The following CACNB2 variants were observed in gnomAD, a reference collection of about 807,000 sequenced individuals.
CACNB2 encodes the protein calcium voltage-gated channel auxiliary subunit beta 2, also known as voltage-dependent L-type calcium channel subunit beta-2.
In CACNB2, 42 loss-of-function variants were observed where a neutral mutation model predicts 73.3. That is an observed-to-expected ratio of 0.57 (90% CI 0.45 to 0.74). The LOEUF is 0.74. CACNB2 is among the 30% of genes least tolerant of loss of function. The pLI is 0.00. For synonymous variants in CACNB2, 348 were observed against 310.3 expected (o/e 1.12, Z -1.28); for missense variants, 940 against 853.0 (o/e 1.10, Z -1.27).
intron 7 of CACNB2, among the ~76,000 whole-genome samples, chr10:18,516,775 T>G (rs1395310584): frequency 6.6e-6 from 1 of 151,806 alleles, no homozygotes; most frequent in Non-Finnish European, 1.5e-5. Flanking sequence ...GAGTGGTGCT[T>G]GTGTGGTACG....
intron 3 of CACNB2, among the ~76,000 whole-genome samples, chr10:18,422,367 G>T (rs114198215): frequency 6.6e-6 from 1 of 152,218 alleles, no homozygotes; most frequent in Non-Finnish European, 1.5e-5. Flanking sequence ...ACGGATGCCC[G>T]ATTGTCCTTT....
In CACNB2 at chr10:18,484,609, C is replaced by G. The variant is rs1055406307; in HGVS notation, c.334-13746C>G. Among the ~76,000 whole-genome samples the G allele has an allele frequency of 6.5e-4, 99 of 152,142 alleles. 2 individuals carry two copies. Among genetic ancestry groups the G allele is most frequent in the African/African-American group, 2.2e-3 (93 of 41,420 alleles). On this transcript the variant is annotated intron_variant, in intron 3 of 13. Coordinates refer to ENST00000324631, the MANE Select transcript of CACNB2 (RefSeq NM_201596.3). Reference sequence around the variant, plus strand: ...GAACCCAGACACCTGAGAATCCAAACTTTTCAATCGCTGTAGCTAAAGTTC... The same window carrying G: ...GAACCCAGACACCTGAGAATCCAAAGTTTTCAATCGCTGTAGCTAAAGTTC...
intron 3 of CACNB2, among the ~76,000 whole-genome samples, chr10:18,461,181 T>C (rs2095357715): frequency 1.3e-5 from 2 of 152,322 alleles, no homozygotes; most frequent in South Asian, 2.1e-4. Flanking sequence ...CCCAAAGTGC[T>C]GGGAATACAG....
chr10:18,308,852 A>G (rs1235790121), intron 2 of CACNB2, among the ~76,000 whole-genome samples: 1 of 152,216 alleles, frequency 6.6e-6, no homozygotes, highest in Admixed American at 6.5e-5. Context: ...TCCCTTTTGT[A>G]TCAAATGTCA....
intron 3 of CACNB2, among the ~76,000 whole-genome samples, chr10:18,478,054 C>T (rs979236202): frequency 2.0e-5 from 3 of 152,116 alleles, no homozygotes; most frequent in Admixed American, 6.5e-5. Context: ...GCCTCAGCCT[C>T]GCGGGTAGCT....
At chr10:18,237,241 G>T (rs1435286836) in intron 2 of CACNB2, among the ~76,000 whole-genome samples, 1 of 152,152 alleles carries the variant, frequency 6.6e-6, no homozygotes, top group African/African-American at 2.4e-5. Flanking sequence ...CAGTACTTAT[G>T]AATGTAATCT....
chr10:18,206,851 T>A (rs1362978061), intron 2 of CACNB2: 3 of 152,206 alleles, frequency 2.0e-5, no homozygotes, highest in Admixed American at 2.0e-4. Flanking sequence ...AAGTTTTAAG[T>A]CCACTGTTGG....
At chr10:18,236,567 G>A (rs372637911) in intron 2 of CACNB2, among the ~76,000 whole-genome samples, 1 of 152,138 alleles carries the variant, frequency 6.6e-6, no homozygotes, top group East Asian at 1.9e-4. Flanking sequence ...GCCAATTGTT[G>A]GTATTAGCCA....
At chr10:18,361,405 T>G (rs1399093861) in intron 2 of CACNB2, among the ~76,000 whole-genome samples, 2 of 149,638 alleles carry the variant, frequency 1.3e-5, no homozygotes. Flanking sequence ...AGGCTGAGGC[T>G]GGAGAATCGC....
intron 1 of CACNB2, among the ~76,000 whole-genome samples, chr10:18,144,611 C>T (rs1168062786): frequency 1.3e-5 from 2 of 152,104 alleles, no homozygotes; most frequent in Admixed American, 1.3e-4. Flanking sequence ...GCTTTTGAGC[C>T]CTTGAAATGT....
intron 3 of CACNB2, among the ~76,000 whole-genome samples, chr10:18,473,693 C>T (rs559572111): frequency 3.9e-5 from 6 of 152,206 alleles, no homozygotes; most frequent in Non-Finnish European, 8.8e-5. Flanking sequence ...GGAGAATTCA[C>T]GTAACTTGCT....
In CACNB2 at chr10:18,294,635, G is replaced by C. The variant is rs553422718; in HGVS notation, c.214-107289G>C. 4.6e-5 allele frequency among the ~76,000 whole-genome samples: 7 copies of C among 152,378 alleles called. No homozygotes were observed. The South Asian group carries it at 1.4e-3, about 32-fold the overall frequency. On this transcript the variant is annotated intron_variant, in intron 2 of 13. Transcript: ENST00000324631. ...TTGGTTGGTTAAACCTATTTGAGCAGAGACTTGAAGAAGGTAACAGAGTCA... is the reference window on the plus strand; with the variant it reads ...TTGGTTGGTTAAACCTATTTGAGCACAGACTTGAAGAAGGTAACAGAGTCA...
chr10:18,228,445 A>AAAAAAAAAAAG (rs1359204235), intron 2 of CACNB2, among the ~76,000 whole-genome samples: 9 of 148,152 alleles, frequency 6.1e-5, no homozygotes, highest in Non-Finnish European at 1.0e-4. Context: ...AAAAAAAAAA[A>AAAAAAAAAAAG]AAAAGAAAAA....
At chr10:18,408,089 G>A (rs1456803458) in intron 3 of CACNB2, among the ~76,000 whole-genome samples, 1 of 152,128 alleles carries the variant, frequency 6.6e-6, no homozygotes, top group Non-Finnish European at 1.5e-5. Context: ...ATTGTAGAGG[G>A]TTAAAACTGA....
At chr10:18,236,789 G>A (rs1169416327) in intron 2 of CACNB2, among the ~76,000 whole-genome samples, 1 of 152,162 alleles carries the variant, frequency 6.6e-6, no homozygotes, top group Non-Finnish European at 1.5e-5. Flanking sequence ...TGATCCAAGT[G>A]TGGATCTCCC....
chr10:18,250,466 T>C (rs1281589859), intron 2 of CACNB2, among the ~76,000 whole-genome samples: 1 of 152,170 alleles, frequency 6.6e-6, no homozygotes, highest in African/African-American at 2.4e-5. Context: ...TTATTCACTT[T>C]GTTCTGCTCA....
intron 2 of CACNB2, among the ~76,000 whole-genome samples, chr10:18,180,694 C>T (rs886509959): frequency 3.9e-5 from 6 of 152,078 alleles, no homozygotes; most frequent in Non-Finnish European, 5.9e-5. Context: ...AGGCCAGGCG[C>T]GGTGGCTCAC....
At chr10:18,211,355 A>G (rs1349950376) in intron 2 of CACNB2, among the ~76,000 whole-genome samples, 1 of 152,208 alleles carries the variant, frequency 6.6e-6, no homozygotes, top group East Asian at 1.9e-4. Flanking sequence ...ATCATTTATG[A>G]GTAAGTAGCT....
At position 18,506,578 on chromosome 10, in the gene CACNB2, T is replaced by C. The variant is rs765609728; in HGVS notation, c.670+31T>C. On this transcript the variant is annotated intron_variant, in intron 6 of 13. Transcript: ENST00000324631. Reference sequence around the variant, plus strand: ...TAGGTGATAAATGCTGAATAATACATACTGCATTTCATGCTTTCCCCAGCT... The same window carrying C: ...TAGGTGATAAATGCTGAATAATACACACTGCATTTCATGCTTTCCCCAGCT... The C allele has an allele frequency of 1.8e-5, 24 of 1,318,064 alleles. 2 individuals are homozygous for C. The Admixed American group carries it at 4.0e-4, about 22-fold the overall frequency. The allele number at this position is 1,318,064 out of a possible 1,614,324, so 81.6% of individuals were successfully genotyped here.
Sources: gnomAD v4.1 joint callset for allele counts (sites outside exome capture counted in the v4.1 genomes callset) on GRCh38, gnomAD v4.1.1 for gene constraint, MANE v1.5 for transcripts, NCBI Gene and HGNC (gene_info 2026-07-23, HGNC 2026-07-21) for gene names.